Variants in TTN observed in about 807,000 individuals in gnomAD.
TTN encodes connectin.
TTN carries 1,525 observed loss-of-function variants against 3,223.0 expected under a neutral mutation model. The observed-to-expected ratio is 0.47, with a 90% CI of 0.45 to 0.49. The LOEUF (loss-of-function observed/expected upper bound fraction) is 0.49. Ranked by LOEUF, TTN falls within the 20% of genes least tolerant of loss-of-function variation. The pLI is 0.00. For missense variants in TTN, 40,786 were observed against 43,424.0 expected, an observed-to-expected ratio of 0.94 and a Z score of 5.40; for synonymous variants, 14,094 against 15,161.0, an observed-to-expected ratio of 0.93 and a Z score of 5.17.
intron 239 of TTN, among the ~76,000 whole-genome samples, chr2:178,629,992 GACT>G (rs1300655336): frequency 6.6e-6 from 1 of 152,026 alleles, no homozygotes; most frequent in African/African-American, 2.4e-5. Context: ...TCAATGAGAG[GACT>G]ACAGAGCAGG....
In TTN at chr2:178,610,151, G is replaced by C. The variant is rs1463917999; in HGVS notation, c.51375C>G (p.Asn17125Lys). 6.2e-7 allele frequency: 1 copy of C among 1,612,946 alleles called. No homozygotes were observed. The highest frequency in any genetic ancestry group is 2.2e-5 in the East Asian group (1 of 44,700). The change falls in exon 271 of 363, where the codon AAC (asparagine) becomes AAG (lysine). Residue 17125 changes from asparagine to lysine, a missense_variant. Asn to Lys is a moderately conservative substitution (Grantham distance 94). Coordinates refer to ENST00000589042, the MANE Select transcript of TTN (RefSeq NM_001267550.2). ...CAATATATTCTCCTCCACCAACCTT[G>C]TTGACTGCTTTAACACGGAAGAAGT... The part of the protein sequence containing the change: ...GEYFFRVKAV[N>K]KVGGGEYIEL...
chr2:178,776,021 T>C lies in TTN; in HGVS notation c.5843A>G (p.Glu1948Gly). The C allele has an allele frequency of 6.2e-7, 1 of 1,614,190 alleles. No homozygotes were observed. The highest frequency in any genetic ancestry group is 8.5e-7 in the Non-Finnish European group (1 of 1,180,010). ...VLRRAPEPRP[E>G]FHVHEPGKLQ... ...CTTTCCTGGTTCATGTACGTGAAACTCAGGCCTTGGTTCAGGAGCTCTCCT... is the reference window on the plus strand; with the variant it reads ...CTTTCCTGGTTCATGTACGTGAAACCCAGGCCTTGGTTCAGGAGCTCTCCT... The change falls in exon 28 of 363, where the codon GAG becomes GGG. Residue 1948 changes from glutamate (E) to glycine (G), a missense_variant. Coordinates refer to ENST00000589042, the MANE Select transcript of TTN (RefSeq NM_001267550.2).
intron 47 of TTN, chr2:178,748,103 A>G: frequency 1.2e-6 from 2 of 1,613,148 alleles, no homozygotes; most frequent in Non-Finnish European, 1.7e-6. Context: ...TGCTTTTTTC[A>G]AATGTGAGAT....
chr2:178,565,267 T>A lies in TTN; in HGVS notation c.80865A>T (p.Thr26955=). Residue 26955 remains threonine (T), a synonymous_variant, in exon 326 of 363, where the codon ACA becomes ACT. Coordinates refer to ENST00000589042, the MANE Select transcript of TTN (RefSeq NM_001267550.2). ...DDFGKYTVTA[T]NSAGTATENL... is the part of the protein sequence containing the mutation. Reference sequence around the variant, plus strand: ...TTTCTGTTGCTGTGCCTGCACTATTTGTTGCCGTTACGGTGTATTTTCCAA... The same window carrying A: ...TTTCTGTTGCTGTGCCTGCACTATTAGTTGCCGTTACGGTGTATTTTCCAA... 3 of 1,613,664 alleles carry A rather than the reference T, an allele frequency of 1.9e-6. No homozygotes were observed. Among genetic ancestry groups the A allele is most frequent in the Non-Finnish European group, 2.5e-6 (3 of 1,179,712 alleles).
chr2:178,795,194 A>G lies in TTN; in HGVS notation c.973T>C (p.Leu325=), dbSNP rs781200052. ...TSPIRSVRSP[L]LMRKTQASTV... Reference sequence around the variant, plus strand: ...GATGCCTGAGTCTTACGCATGAGCAATGGAGACCTAACAGACCTGATGGGG... The same window carrying G: ...GATGCCTGAGTCTTACGCATGAGCAGTGGAGACCTAACAGACCTGATGGGG... Residue 325 remains leucine (L), a synonymous_variant, in exon 7 of 363, where the codon TTG becomes CTG. Coordinates refer to ENST00000589042, the MANE Select transcript of TTN (RefSeq NM_001267550.2). 5.0e-6 allele frequency: 8 copies of G among 1,614,062 alleles called. No homozygotes were observed. Among genetic ancestry groups the G allele is most frequent in the South Asian group, 3.3e-5 (3 of 91,084 alleles).
rs377751708 is a variant in TTN, at chr2:178,574,656, C to A, written c.71476G>T (p.Val23826Phe). The A allele has an allele frequency of 2.5e-6, 4 of 1,613,028 alleles. No individual in the cohort carries two copies. In the South Asian group the frequency reaches 3.3e-5, roughly 13 times the overall value. The part of the protein sequence containing the change: ...ACIVANYPFK[V>F]PGPPGTPQVT... ...TGAGGGGTACCAGGAGGTCCAGGAACCTTAAATGGATAGTTGGCAACTATG... is the reference window on the plus strand; with the variant it reads ...TGAGGGGTACCAGGAGGTCCAGGAAACTTAAATGGATAGTTGGCAACTATG... The change falls in exon 326 of 363, where the codon GTT (valine) becomes TTT (phenylalanine). Residue 23826 changes from valine (V) to phenylalanine (F), a missense_variant. Transcript: ENST00000589042.
intron 25 of TTN, 51 bp from the exon 26 acceptor site, chr2:178,777,635 T>G (rs748460757): frequency 6.8e-6 from 11 of 1,613,292 alleles, no homozygotes; most frequent in Non-Finnish European, 9.3e-6. Flanking sequence ...TTTTTAAAAA[T>G]TGTTAGATGC....
At position 178,526,950 on chromosome 2, in the gene TTN, G is replaced by A. The variant is rs1575167720; in HGVS notation, c.*62C>T. ...AAATATTTACAGTTCAGAAAGATTA[G>A]TCCGTGTGAAACGTTTGCGAAAAGT... is the stretch of plus-strand genomic sequence containing the variant. On this transcript the variant is annotated 3_prime_UTR_variant, in exon 363 of 363. Transcript: ENST00000589042. The A allele has an allele frequency of 2.2e-5, 31 of 1,400,022 alleles. No homozygotes were observed. The highest frequency in any genetic ancestry group is 2.7e-5 in the Non-Finnish European group (28 of 1,049,058). The allele number at this position is 1,400,022 out of a possible 1,614,324, so 86.7% of individuals were successfully genotyped here. A position where few individuals can be genotyped will look rare whatever the true frequency, so the allele number is the denominator to read the frequency against.
chr2:178,745,473 G>A (rs1204010472), intron 47 of TTN: 1 of 1,523,336 alleles, frequency 6.6e-7, no homozygotes, highest in Non-Finnish European at 8.8e-7. Context: ...CCAAGGTAAT[G>A]AATTCAAATA....
rs768200802 is a variant in TTN at position 178,664,459 on chromosome 2, C to A, written c.36280+1G>T. On this transcript the variant is annotated splice_donor_variant, in intron 168 of 362. Transcript: ENST00000589042. LOFTEE classifies it high-confidence loss of function. ...CCATAAAAAGACAGTTAAGAATGTA[C>A]CTTTGACAGGTACAACTTCAGCCCT... 1.2e-6 allele frequency: 2 copies of A among 1,609,052 alleles called. No homozygotes were observed. Among genetic ancestry groups the A allele is most frequent in the Non-Finnish European group, 8.5e-7 (1 of 1,177,532 alleles).
At chr2:178,727,068 A>C (rs1183618450) in intron 69 of TTN, 22 bp downstream of exon 69, 2 of 1,423,304 alleles carry the variant, frequency 1.4e-6, no homozygotes, top group Non-Finnish European at 1.8e-6. Context: ...TTTAATGAGA[A>C]ACACAAGAAC....
chr2:178,784,135 C>A lies in TTN; in HGVS notation c.2710G>T (p.Val904Leu). ...AGVEVKKEVG[V>L]SITGTTVREE... Reference sequence around the variant, plus strand: ...CGGACGGTGGTGCCAGTGATGCTCACCCCTACTTCCTTTTTCACCTCAACG... The same window carrying A: ...CGGACGGTGGTGCCAGTGATGCTCAACCCTACTTCCTTTTTCACCTCAACG... Residue 904 changes from valine to leucine, a missense_variant, in exon 16 of 363, where the codon GTG (valine) becomes TTG (leucine). Coordinates refer to ENST00000589042, the MANE Select transcript of TTN (RefSeq NM_001267550.2). The A allele has an allele frequency of 6.2e-7, 1 of 1,614,076 alleles. No individual in the cohort carries two copies. Among genetic ancestry groups the A allele is most frequent in the Non-Finnish European group, 8.5e-7 (1 of 1,179,990 alleles).
At chr2:178,762,018 C>T (rs1165845816) in intron 43 of TTN, among the ~76,000 whole-genome samples, 1 of 152,112 alleles carries the variant, frequency 6.6e-6, no homozygotes, top group African/African-American at 2.4e-5. Context: ...AACATTTTCG[C>T]TGTTAGAAAC....
chr2:178,596,494 C>T (rs4894030), intron 294 of TTN, among the ~76,000 whole-genome samples: 1 of 151,802 alleles, frequency 6.6e-6, no homozygotes, highest in Admixed American at 6.6e-5. Context: ...GCAGGGGAAA[C>T]GGAGAGAGAG....
At chr2:178,666,733 C>A in intron 163 of TTN, 91 bp downstream of exon 163, 3 of 1,088,022 alleles carry the variant, frequency 2.8e-6, no homozygotes, top group Non-Finnish European at 3.8e-6. Context: ...CCACTGTAGC[C>A]ACTTTGGCTT....
chr2:178,592,978 C>T lies in TTN; in HGVS notation c.59141G>A (p.Gly19714Asp). Residue 19714 changes from glycine (G) to aspartate (D), a missense_variant, in exon 300 of 363, where the codon GGT (glycine) becomes GAT (aspartate). By Grantham distance (94) the Gly-to-Asp change is moderately conservative (BLOSUM62 -1). Coordinates refer to ENST00000589042, the MANE Select transcript of TTN (RefSeq NM_001267550.2). ...AACTTTCTGGTACTCAACAATATAACCCAGAATCTTGCTCCCACCATCATG... is the reference window on the plus strand; with the variant it reads ...AACTTTCTGGTACTCAACAATATAATCCAGAATCTTGCTCCCACCATCATG... ...PRHDGGSKIL[G>D]YIVEYQKVGD... is the part of the protein sequence containing the mutation. 1 of 1,613,484 alleles carries T rather than the reference C, an allele frequency of 6.2e-7. No individual in the cohort carries two copies. Among genetic ancestry groups the T allele is most frequent in the East Asian group, 2.2e-5 (1 of 44,794 alleles).
chr2:178,777,859 C>G lies in TTN; in HGVS notation c.4325G>C (p.Arg1442Thr). ...MSPARMSPGR[R>T]LEETDESQLE... is the part of the protein sequence containing the mutation. Reference sequence around the variant, plus strand: ...TTGTGACTCATCTGTCTCCTCCAGCCTACGTCCAGGGGACATTCTTGCAGG... The same window carrying G: ...TTGTGACTCATCTGTCTCCTCCAGCGTACGTCCAGGGGACATTCTTGCAGG... The change falls in exon 25 of 363, where the codon AGG (arginine) becomes ACG (threonine). Residue 1442 changes from arginine to threonine, a missense_variant. Coordinates refer to ENST00000589042, the MANE Select transcript of TTN (RefSeq NM_001267550.2). 4 of 1,614,050 alleles carry G rather than the reference C, an allele frequency of 2.5e-6. No individual in the cohort carries two copies. The highest frequency in any genetic ancestry group is 3.4e-6 in the Non-Finnish European group (4 of 1,179,950).
At chr2:178,668,266 CA>C (rs1366924890) in intron 159 of TTN, among the ~76,000 whole-genome samples, 3 of 151,896 alleles carry the variant, frequency 2.0e-5, no homozygotes, top group Non-Finnish European at 4.4e-5. Context: ...ATAAAGACAA[CA>C]AAAATTTCTC....
intron 105 of TTN, 44 bp from the exon 106 acceptor site, chr2:178,704,451 A>G: frequency 6.2e-7 from 1 of 1,601,566 alleles, no homozygotes; most frequent in African/African-American, 1.3e-5. Context: ...TATCACACGC[A>G]GATGTGCTCA....
Sources: allele counts gnomAD v4.1 joint callset (sites outside exome capture counted in the v4.1 genomes callset), GRCh38; gene constraint gnomAD v4.1.1; transcripts MANE v1.5; gene names NCBI Gene and HGNC (gene_info 2026-07-23, HGNC 2026-07-21).